SLC35G1: variants seen among roughly 807,000 people sequenced by gnomAD.
The protein encoded by SLC35G1 is partner of STIM1.
Under a neutral mutation model 17.1 loss-of-function variants are expected in SLC35G1, and 10 were observed. That is an observed-to-expected ratio of 0.59 (90% CI 0.36 to 0.99). The LOEUF is 0.99. Among genes scored for constraint, SLC35G1 ranks in the 50% least tolerant of loss-of-function variants. The pLI, the probability that SLC35G1 is intolerant of heterozygous loss-of-function variation, is 0.01. For synonymous variants in SLC35G1, 185 were observed against 181.1 expected, an observed-to-expected ratio of 1.02 and a Z score of -0.18; for missense variants, 433 against 468.4, an observed-to-expected ratio of 0.92 and a Z score of 0.70.
At position 93,901,027 on chromosome 10, in the gene SLC35G1, C is replaced by T. The variant is rs144586382; in HGVS notation, c.635C>T (p.Ser212Leu). The part of the protein sequence containing the change: ...RPPFLFGSDT[S>L]GMEESYSGHL... ...CCATTTTTGTTTGGTTCCGACACTTCGGGGATGGAAGAAAGCTATTCAGGC... is the reference window on the plus strand; with the variant it reads ...CCATTTTTGTTTGGTTCCGACACTTTGGGGATGGAAGAAAGCTATTCAGGC... The change falls in exon 3 of 3, where the codon TCG becomes TTG. Residue 212 changes from serine to leucine, a missense_variant. By Grantham distance (145) the Ser-to-Leu change is moderately radical. Coordinates refer to ENST00000427197, the MANE Select transcript of SLC35G1 (RefSeq NM_001134658.3). The T allele has an allele frequency of 5.7e-5, 92 of 1,614,012 alleles. No homozygotes were observed. The East Asian group carries it at 1.5e-3, about 27-fold the overall frequency.
At chr10:93,906,762 CT>C, downstream of SLC35G1, among the ~76,000 whole-genome samples, 1 of 152,248 alleles carries the variant, frequency 6.6e-6, no homozygotes, top group Middle Eastern at 3.4e-3. Flanking sequence ...TCTAAACCAA[CT>C]GTTTTCAAAG....
At chr10:93,894,271 C>G in intron 1 of SLC35G1, 60 bp downstream of exon 1, 1 of 1,295,106 alleles carries the variant, frequency 7.7e-7, no homozygotes, top group South Asian at 2.2e-5. Context: ...CGGGCGCCGG[C>G]GGGTTGGGGT....
downstream of SLC35G1, chr10:93,903,839 T>C (rs554366435): frequency 5.9e-5 from 9 of 152,230 alleles, no homozygotes; most frequent in Non-Finnish European, 4.4e-5. Context: ...TTGGTTGTTA[T>C]GATTATAGCA....
rs2060395469 is a variant in SLC35G1 at position 93,902,232 on chromosome 10, A to G, written c.*742A>G. On this transcript the variant is annotated 3_prime_UTR_variant, in exon 3 of 3. Coordinates refer to ENST00000427197, the MANE Select transcript of SLC35G1 (RefSeq NM_001134658.3). ...CTGCAGCTAGCATACTATAATTTTA[A>G]TTGTCCTCACTTTTTTTTGAAACTG... 1 of 152,546 alleles carries G rather than the reference A, an allele frequency of 6.6e-6. No individual in the cohort carries two copies. Among genetic ancestry groups the G allele is most frequent in the Admixed American group, 6.6e-5 (1 of 15,264 alleles). The allele number at this position is 152,546 out of a possible 1,614,324, so 9.4% of individuals were successfully genotyped here.
downstream of SLC35G1, chr10:93,906,963 A>T (rs542762071): frequency 3.7e-4 from 56 of 152,354 alleles, no homozygotes; most frequent in African/African-American, 1.2e-3. Context: ...CAGATAGGAG[A>T]ATACAGCTAT....
intron 1 of SLC35G1, among the ~76,000 whole-genome samples, chr10:93,896,681 AGTGTTTATAGGCAAGAAAATACAT>A (rs2060333834): frequency 6.6e-6 from 1 of 152,326 alleles, no homozygotes; most frequent in South Asian, 2.1e-4. Context: ...ATGAGCCTTA[AGTGTTTATAGGCAAGAAAATACAT>A]GTGTATGTGT....
chr10:93,907,025 T>A (rs1483853639), downstream of SLC35G1: 2 of 152,220 alleles, frequency 1.3e-5, no homozygotes, highest in African/African-American at 4.8e-5. Context: ...CTCTTCTCAC[T>A]AATTTTTTTG....
downstream of SLC35G1, among the ~76,000 whole-genome samples, chr10:93,906,001 C>T (rs560657542): frequency 4.6e-4 from 70 of 152,202 alleles, no homozygotes; most frequent in African/African-American, 1.7e-3. Context: ...ACCAGAAGGC[C>T]TGTATCTGAG....
Position 93,900,998 on chromosome 10 carries a change from A to T in SLC35G1, c.606A>T (p.Arg202Ser). Residue 202 changes from arginine (R) to serine (S), a missense_variant, in exon 3 of 3, where the codon AGA becomes AGT. Arg to Ser is a moderately radical substitution (Grantham distance 110). Transcript: ENST00000427197. ...FTITGVILIVRPPFLFGSDTS... is the reference protein window; with the variant it reads ...FTITGVILIVSPPFLFGSDTS... ...TCACTGGAGTGATCCTTATCGTGAG[A>T]CCACCATTTTTGTTTGGTTCCGACA... 1 of 1,614,080 alleles carries T rather than the reference A, an allele frequency of 6.2e-7. No individual in the cohort carries two copies. The highest frequency in any genetic ancestry group is 8.5e-7 in the Non-Finnish European group (1 of 1,179,992).
chr10:93,905,105 T>C (rs2060420086), downstream of SLC35G1, among the ~76,000 whole-genome samples: 1 of 152,208 alleles, frequency 6.6e-6, no homozygotes, highest in South Asian at 2.1e-4. Flanking sequence ...ATGGGTATTA[T>C]GCTTGGCTCT....
intron 2 of SLC35G1, 54 bp from the exon 3 acceptor site, chr10:93,900,698 T>A (rs1282567320): frequency 1.5e-5 from 21 of 1,411,960 alleles, no homozygotes; most frequent in Admixed American, 2.5e-5. Flanking sequence ...AAATTGTAAT[T>A]TAAAAACAAA....
chr10:93,902,437 T>C lies in SLC35G1; in HGVS notation c.*947T>C, dbSNP rs947688961. The C allele has an allele frequency of 6.6e-6, 1 of 152,626 alleles. No individual in the cohort carries two copies. Among genetic ancestry groups the C allele is most frequent in the African/African-American group, 2.4e-5 (1 of 41,446 alleles). 9.5% of individuals were successfully genotyped at this position (152,626 alleles called of 1,614,324 possible). The stretch of plus-strand genomic sequence containing the variant: ...CAAATAAAATTTTCTCAGGATCTTA[T>C]TAGGTTGAACCATATGTAATTGCCA... On this transcript the variant is annotated 3_prime_UTR_variant, in exon 3 of 3. Transcript: ENST00000427197.
downstream of SLC35G1, chr10:93,908,804 C>T (rs2060442565): frequency 6.6e-6 from 1 of 152,168 alleles, no homozygotes; most frequent in Admixed American, 6.5e-5. Flanking sequence ...TAGGCATGAG[C>T]TGGCTTCCTA....
chr10:93,897,193 A>G (rs1360267721), intron 1 of SLC35G1, among the ~76,000 whole-genome samples: 1 of 152,186 alleles, frequency 6.6e-6, no homozygotes, highest in African/African-American at 2.4e-5. Context: ...GAACAGGAAG[A>G]GGTAGAGAAG....
chr10:93,898,437 C>G, intron 1 of SLC35G1, 134 bp from the exon 2 acceptor site: 2 of 743,602 alleles, frequency 2.7e-6, no homozygotes. Context: ...GGTACAGGCC[C>G]AGAGAAATGA....
At chr10:93,898,048 G>C (rs1250248732) in intron 1 of SLC35G1, among the ~76,000 whole-genome samples, 4 of 152,160 alleles carry the variant, frequency 2.6e-5, no homozygotes, top group Non-Finnish European at 5.9e-5. Context: ...CCATGTGCCA[G>C]GCATGTACAA....
At chr10:93,894,455 C>T (rs1351081372) in intron 1 of SLC35G1, among the ~76,000 whole-genome samples, 1 of 152,138 alleles carries the variant, frequency 6.6e-6, no homozygotes, top group Non-Finnish European at 1.5e-5. Context: ...GATTCCGAGG[C>T]TGCTCCTGTA....
rs1170328250 is a variant in SLC35G1 at position 93,898,633 on chromosome 10, C to G, written c.241C>G (p.Leu81Val). The change falls in exon 2 of 3, where the codon CTT becomes GTT. Residue 81 changes from leucine to valine, a missense_variant. Coordinates refer to ENST00000427197, the MANE Select transcript of SLC35G1 (RefSeq NM_001134658.3). ...GTTTTACACATTATTGTCTGCCTTC[C>G]TTTTCTCAGTGGGCTCTTTATTTGT... is the stretch of plus-strand genomic sequence containing the variant. ...GLFYTLLSAF[L>V]FSVGSLFVKK... The G allele has an allele frequency of 1.9e-6, 3 of 1,613,736 alleles. No individual in the cohort carries two copies. Among genetic ancestry groups the G allele is most frequent in the Non-Finnish European group, 2.5e-6 (3 of 1,179,872 alleles).
At position 93,901,616 on chromosome 10, in the gene SLC35G1, C is replaced by A; in HGVS notation, c.*126C>A. The stretch of plus-strand genomic sequence containing the variant: ...TGTATTTAATAAATTGCCTAAAGTA[C>A]CATTTTTGAATATAGTATGTCTTTA... On this transcript the variant is annotated 3_prime_UTR_variant, in exon 3 of 3. Transcript: ENST00000427197. The A allele has an allele frequency of 9.2e-7, 1 of 1,092,572 alleles. No individual in the cohort carries two copies. Among genetic ancestry groups the A allele is most frequent in the Non-Finnish European group, 1.2e-6 (1 of 810,586 alleles). The allele number at this position is 1,092,572 out of a possible 1,614,324, so 67.7% of individuals were successfully genotyped here.
Sources: gnomAD v4.1 joint callset for allele counts (sites outside exome capture counted in the v4.1 genomes callset) on GRCh38, gnomAD v4.1.1 for gene constraint, MANE v1.5 for transcripts, NCBI Gene and HGNC (gene_info 2026-07-23, HGNC 2026-07-21) for gene names.